Variants in MEI1 observed in about 807,000 individuals in gnomAD.
MEI1 encodes meiosis inhibitor protein 1.
MEI1 carries 103 observed loss-of-function variants against 146.2 expected under a neutral mutation model. The observed-to-expected ratio is 0.70, with a 90% CI of 0.60 to 0.83. MEI1 has a LOEUF of 0.83. MEI1 is among the 40% of genes least tolerant of loss of function. The pLI, the probability that MEI1 is intolerant of heterozygous loss-of-function variation, is 0.00. For synonymous variants in MEI1, 652 were observed against 628.2 expected, an observed-to-expected ratio of 1.04 and a Z score of -0.57; for missense variants, 1,529 against 1,533.0, an observed-to-expected ratio of 1.00 and a Z score of 0.04.
rs1256002483 is a variant in MEI1 at position 41,714,050 on chromosome 22, G to T, written c.398G>T (p.Cys133Phe). ...TQLKLEQTIR[C>F]LLDECHKELC... ...CTGAAGCTGGAGCAGACTATCCGTT[G>T]CCTGCTGGATGAGTGCCACAAAGAG... Residue 133 changes from cysteine (C) to phenylalanine (F), a missense_variant, in exon 4 of 31, where the codon TGC becomes TTC. Around this residue, in one of 3 missense-constraint regions of MEI1, gnomAD observed 1,212 missense variants for 1,178.9 expected, o/e 1.03. Transcript: ENST00000401548. 3.7e-6 allele frequency: 6 copies of T among 1,600,474 alleles called. No homozygotes were observed. The African/African-American group carries it at 5.4e-5, about 14-fold the overall frequency.
chr22:41,760,039 G>C (rs955331459), intron 18 of MEI1, among the ~76,000 whole-genome samples: 12 of 152,122 alleles, frequency 7.9e-5, no homozygotes, highest in African/African-American at 2.7e-4. Context: ...GCCGGGTGCA[G>C]TGGCTCACTC....
At chr22:41,710,514 A>G (rs2069455754) in intron 3 of MEI1, among the ~76,000 whole-genome samples, 1 of 152,234 alleles carries the variant, frequency 6.6e-6, no homozygotes. Flanking sequence ...CATGGAAGAT[A>G]GAACCCTATC....
chr22:41,730,384 A>G (rs2071750306), intron 8 of MEI1, 137 bp from the exon 9 acceptor site: 2 of 610,658 alleles, frequency 3.3e-6, no homozygotes, highest in Admixed American at 5.0e-5. Context: ...ATTGATGATC[A>G]TGACTCATGG....
In MEI1 at chr22:41,758,367, C is replaced by T; in HGVS notation, c.1954C>T (p.Leu652Phe). The part of the protein sequence containing the change: ...EKTGPPSKEE[L>F]SAVSELLQHG... The stretch of plus-strand genomic sequence containing the variant: ...TCCTCTACTTATTCCCTCCCTAGAA[C>T]TCTCTGCAGTGTCTGAGCTCCTGCA... Residue 652 changes from leucine (L) to phenylalanine (F), a missense_variant and splice_region_variant, in exon 18 of 31, where the codon CTC becomes TTC. Around this residue, in one of 3 missense-constraint regions of MEI1, gnomAD observed 1,212 missense variants for 1,178.9 expected, o/e 1.03. Transcript: ENST00000401548. The T allele has an allele frequency of 6.2e-7, 1 of 1,612,390 alleles. No homozygotes were observed. Among genetic ancestry groups the T allele is most frequent in the Non-Finnish European group, 8.5e-7 (1 of 1,178,852 alleles).
At chr22:41,744,787 C>T (rs552331449) in intron 12 of MEI1, among the ~76,000 whole-genome samples, 186 bp from the exon 13 acceptor site, 30 of 61,094 alleles carry the variant, frequency 4.9e-4, no homozygotes, top group African/African-American at 3.2e-3. Flanking sequence ...CGTGAGCCAC[C>T]GCGCCCGGCC....
At chr22:41,761,217 A>T (rs1188075734) in intron 18 of MEI1, among the ~76,000 whole-genome samples, 1 of 151,002 alleles carries the variant, frequency 6.6e-6, no homozygotes, top group Non-Finnish European at 1.5e-5. Context: ...AGGCTGAGGC[A>T]GGAGAATCAC....
At chr22:41,784,195 T>TG (rs2075866166) in intron 24 of MEI1, 144 bp from the exon 25 acceptor site, 1 of 675,292 alleles carries the variant, frequency 1.5e-6, no homozygotes, top group African/African-American at 1.8e-5. Context: ...TGGTGCAGCT[T>TG]GGAGGACTCT....
Position 41,729,836 on chromosome 22 carries a change from G to A in MEI1, c.979+57G>A, listed in dbSNP as rs2071701142. 8 of 1,160,886 alleles carry A rather than the reference G, an allele frequency of 6.9e-6. No homozygotes were observed. In the South Asian group the frequency reaches 1.2e-4, roughly 17 times the overall value. 71.9% of individuals were successfully genotyped at this position (1,160,886 alleles called of 1,614,324 possible). A position where few individuals can be genotyped will look rare whatever the true frequency, so the allele number is the denominator to read the frequency against. On this transcript the variant is annotated intron_variant, in intron 8 of 30. Coordinates refer to ENST00000401548, the MANE Select transcript of MEI1 (RefSeq NM_152513.4). ...ATACTAGAAGGATGGGGTGGTGACA[G>A]GTTCAATTGTGTATGACAGACCCTA...
chr22:41,765,913 G>A lies in MEI1; in HGVS notation c.2268+2592G>A, dbSNP rs575237041. On this transcript the variant is annotated intron_variant, in intron 19 of 30. Coordinates refer to ENST00000401548, the MANE Select transcript of MEI1 (RefSeq NM_152513.4). ...TTTTTTTTTTTTTTTTTTTTTAGACGGAGTCTTGCTCTGTCGCCAGGCTAG... is the reference window on the plus strand; with the variant it reads ...TTTTTTTTTTTTTTTTTTTTTAGACAGAGTCTTGCTCTGTCGCCAGGCTAG... Among the ~76,000 whole-genome samples the A allele has an allele frequency of 3.4e-3, 452 of 133,580 alleles. 5 individuals are homozygous for A. Among genetic ancestry groups the A allele is most frequent in the Non-Finnish European group, 5.3e-3 (343 of 64,328 alleles). 87.6% of individuals were successfully genotyped at this position (133,580 alleles called of 152,430 possible). A position where few individuals can be genotyped will look rare whatever the true frequency, so the allele number is the denominator to read the frequency against.
chr22:41,791,668 G>A (rs1319889373), intron 26 of MEI1, among the ~76,000 whole-genome samples: 1 of 152,110 alleles, frequency 6.6e-6, no homozygotes, highest in Non-Finnish European at 1.5e-5. Flanking sequence ...GACAGGAGGT[G>A]GAGAATGTCC....
chr22:41,792,891 C>T lies in MEI1; in HGVS notation c.3346-938C>T, dbSNP rs555868382. Reference sequence around the variant, plus strand: ...ATTTTCATGTGCTTATTAGAGCATACAATTTTGATGAAAGATCCTGTTGCT... The same window carrying T: ...ATTTTCATGTGCTTATTAGAGCATATAATTTTGATGAAAGATCCTGTTGCT... On this transcript the variant is annotated intron_variant, in intron 26 of 30. Transcript: ENST00000401548. Among the ~76,000 whole-genome samples, 21 of 140,848 alleles carry T rather than the reference C, an allele frequency of 1.5e-4. No individual in the cohort carries two copies. The East Asian group carries it at 3.3e-3, about 22-fold the overall frequency. 92.4% of individuals were successfully genotyped at this position (140,848 alleles called of 152,430 possible).
intron 14 of MEI1, 113 bp from the exon 15 acceptor site, chr22:41,747,991 TTTG>T: frequency 1.4e-6 from 1 of 697,766 alleles, no homozygotes; most frequent in South Asian, 1.8e-5. Flanking sequence ...TTCCCTAGCT[TTTG>T]TTGTGTCTTT....
intron 7 of MEI1, among the ~76,000 whole-genome samples, chr22:41,727,374 C>G (rs577150068): frequency 6.6e-6 from 1 of 152,324 alleles, no homozygotes; most frequent in East Asian, 1.9e-4. Flanking sequence ...GTGTTAGAGG[C>G]ATCCCTAATA....
chr22:41,720,932 C>T (rs1335944472), intron 6 of MEI1, among the ~76,000 whole-genome samples: 21 of 151,552 alleles, frequency 1.4e-4, no homozygotes, highest in Non-Finnish European at 2.5e-4. Context: ...CCACCACGCC[C>T]GGCTAATTTT....
intron 17 of MEI1, among the ~76,000 whole-genome samples, chr22:41,757,089 G>T (rs1033389114): frequency 6.6e-6 from 1 of 151,806 alleles, no homozygotes; most frequent in African/African-American, 2.4e-5. Context: ...TCCACAGTTT[G>T]TTTCTTTCTT....
intron 3 of MEI1, among the ~76,000 whole-genome samples, chr22:41,712,702 G>GTGTGTGTGT (rs3045420): frequency 6.7e-6 from 1 of 149,694 alleles, no homozygotes; most frequent in African/African-American, 2.5e-5. Context: ...GTGTGTGTGT[G>GTGTGTGTGT]GAGCAATATA....
chr22:41,747,196 C>A (rs2073363322), intron 14 of MEI1: 1 of 150,932 alleles, frequency 6.6e-6, no homozygotes, highest in Non-Finnish European at 1.5e-5. Flanking sequence ...CAAGGGCACA[C>A]TGTGGTGGCT....
intron 9 of MEI1, among the ~76,000 whole-genome samples, 197 bp from the exon 10 acceptor site, chr22:41,732,048 T>C (rs2071911071): frequency 6.6e-6 from 1 of 151,994 alleles, no homozygotes; most frequent in African/African-American, 2.4e-5. Flanking sequence ...GTACTGGGTG[T>C]TGGGGAGATG....
chr22:41,775,199 T>C (rs1183467056), intron 20 of MEI1, among the ~76,000 whole-genome samples: 1 of 152,180 alleles, frequency 6.6e-6, no homozygotes, highest in Non-Finnish European at 1.5e-5. Flanking sequence ...ATAAAAAGCA[T>C]CTTCCCATCT....
Sources: gnomAD v4.1 joint callset for allele counts (sites outside exome capture counted in the v4.1 genomes callset) on GRCh38, gnomAD v4.1.1 for gene constraint, gnomAD v4.1.1 regional missense constraint, MANE v1.5 for transcripts, NCBI Gene and HGNC (gene_info 2026-07-23, HGNC 2026-07-21) for gene names.